RTEL1: variants seen among roughly 807,000 people sequenced by gnomAD.
The protein encoded by RTEL1 is regulator of telomere elongation helicase 1.
In RTEL1, 86 loss-of-function variants were observed where a neutral mutation model predicts 162.2. The observed-to-expected ratio is 0.53, with a 90% confidence interval of 0.45 to 0.63. RTEL1 has a LOEUF of 0.63. Among genes scored for constraint, RTEL1 ranks in the 30% least tolerant of loss-of-function variants. RTEL1 has a pLI of 0.00. For synonymous variants in RTEL1, 958 were observed against 717.9 expected (o/e 1.33, Z -5.35); for missense variants, 1,941 against 1,750.2 (o/e 1.11, Z -1.95).
intron 32 of RTEL1, 36 bp from the exon 33 acceptor site, chr20:63,695,030 G>T (rs769446756): frequency 1.9e-6 from 3 of 1,610,008 alleles, no homozygotes; most frequent in Admixed American, 1.7e-5. Context: ...GGGACAAAAT[G>T]GGGGCTGTGC....
intron 14 of RTEL1, chr20:63,681,177 C>T (rs1412969841): frequency 3.0e-6 from 3 of 985,292 alleles, no homozygotes; most frequent in Admixed American, 6.1e-5. Context: ...ATTGGGGGTG[C>T]GACCCTGGCC....
intron 30 of RTEL1, among the ~76,000 whole-genome samples, chr20:63,694,142 C>T (rs1389447142): frequency 6.6e-6 from 1 of 152,144 alleles, no homozygotes; most frequent in Non-Finnish European, 1.5e-5. Flanking sequence ...CAGCCTACGG[C>T]TCTGAGCTCC....
intron 14 of RTEL1, among the ~76,000 whole-genome samples, chr20:63,683,763 C>T (rs1398782453): frequency 1.3e-5 from 2 of 152,116 alleles, no homozygotes; most frequent in African/African-American, 2.4e-5. Flanking sequence ...GTTTTTGGCT[C>T]GTTTTCCAGG....
chr20:63,662,560 T>C lies in RTEL1; in HGVS notation c.410T>C (p.Val137Ala). 2 of 1,614,048 alleles carry C rather than the reference T, an allele frequency of 1.2e-6. No individual in the cohort carries two copies. The highest frequency in any genetic ancestry group is 8.5e-7 in the Non-Finnish European group (1 of 1,180,014). ...RNTSYRPKVC[V>A]LGSREQLCIH... is the part of the protein sequence containing the mutation. ...TCTCCCACCAGGCCTAAGGTGTGTG[T>C]GCTGGGCTCCCGGGAGCAGCTGTGC... Residue 137 changes from valine to alanine, a missense_variant, in exon 5 of 35, where the codon GTG (valine) becomes GCG (alanine). Val to Ala is a moderately conservative substitution (Grantham distance 64). Transcript: ENST00000360203.
chr20:63,676,417 G>A (rs1024508641), intron 10 of RTEL1, among the ~76,000 whole-genome samples: 1 of 152,194 alleles, frequency 6.6e-6, no homozygotes, highest in African/African-American at 2.4e-5. Flanking sequence ...CCGGGCTCCA[G>A]ATGGGACGTC....
intron 14 of RTEL1, among the ~76,000 whole-genome samples, chr20:63,684,632 C>T (rs183960035): frequency 2.0e-3 from 300 of 152,098 alleles, no homozygotes; most frequent in African/African-American, 6.9e-3. Flanking sequence ...CATGAGCCAC[C>T]GTGCCCAGCC....
intron 30 of RTEL1, among the ~76,000 whole-genome samples, chr20:63,693,567 ACCTCCACCT>A (rs2090862335): frequency 1.8e-4 from 10 of 55,886 alleles, no homozygotes; most frequent in East Asian, 6.9e-4. Flanking sequence ...CACCTCCACC[ACCTCCACCT>A]CCACCACCAC....
At chr20:63,667,384 C>T (rs1303157114) in intron 7 of RTEL1, 85 bp from the exon 8 acceptor site, 3 of 1,070,340 alleles carry the variant, frequency 2.8e-6, no homozygotes, top group Admixed American at 1.7e-5. Flanking sequence ...GATGAGGGCT[C>T]CTTCCGGGTC....
chr20:63,663,631 A>T (rs2090065218), intron 6 of RTEL1, among the ~76,000 whole-genome samples: 1 of 152,084 alleles, frequency 6.6e-6, no homozygotes, highest in African/African-American at 2.4e-5. Flanking sequence ...GGCTGCCCTT[A>T]CAGTTTCTGT....
At chr20:63,687,810 C>T in intron 17 of RTEL1, 40 bp downstream of exon 17, 2 of 1,552,372 alleles carry the variant, frequency 1.3e-6, no homozygotes. Flanking sequence ...ACCGGTGACA[C>T]CTCTGACATC....
rs1569089663 is a variant in RTEL1, at chr20:63,672,597, G to C, written c.741G>C (p.Val247=). The C allele has an allele frequency of 6.3e-7, 1 of 1,586,276 alleles. No individual in the cohort carries two copies. Residue 247 remains valine (V), a synonymous_variant, in exon 9 of 35, where the codon GTG becomes GTC. Transcript: ENST00000360203. The part of the protein sequence containing the change: ...AHNIDLKGTV[V]IFDEAHNVEK... ...ACATTGACCTGAAGGGGACAGTCGTGATCTTTGACGAAGCTCACAACGTGG... is the reference window on the plus strand; with the variant it reads ...ACATTGACCTGAAGGGGACAGTCGTCATCTTTGACGAAGCTCACAACGTGG...
intron 14 of RTEL1, 30 bp from the exon 15 acceptor site, chr20:63,685,493 T>C (rs761042081): frequency 6.2e-7 from 1 of 1,607,968 alleles, no homozygotes; most frequent in Non-Finnish European, 8.5e-7. Context: ...CTCAGGCTCC[T>C]GACGGGGCTG....
chr20:63,680,912 G>T, intron 14 of RTEL1, 193 bp downstream of exon 14: 1 of 985,214 alleles, frequency 1.0e-6, no homozygotes. Context: ...AGGGATGGGG[G>T]AGGACGAGGT....
rs959541511 is a variant in RTEL1 at position 63,687,484 on chromosome 20, T to C, written c.1349-154T>C. 1.1e-5 allele frequency: 10 copies of C among 870,514 alleles called. No individual in the cohort carries two copies. In the African/African-American group the frequency reaches 1.7e-4, roughly 15 times the overall value. The allele number at this position is 870,514 out of a possible 1,614,324, so 53.9% of individuals were successfully genotyped here. A position where few individuals can be genotyped will look rare whatever the true frequency, so the allele number is the denominator to read the frequency against. Reference sequence around the variant, plus strand: ...AGGCTCACACTCAGGGCAGCCTCCTTTGTTCTGACTTCTGCACAGTGGGCC... The same window carrying C: ...AGGCTCACACTCAGGGCAGCCTCCTCTGTTCTGACTTCTGCACAGTGGGCC... On this transcript the variant is annotated intron_variant, in intron 16 of 34. Transcript: ENST00000360203.
chr20:63,667,449 T>A lies in RTEL1; in HGVS notation c.615-20T>A, dbSNP rs1218867978. 2 of 1,602,554 alleles carry A rather than the reference T, an allele frequency of 1.2e-6. No homozygotes were observed. The highest frequency in any genetic ancestry group is 1.7e-6 in the Non-Finnish European group (2 of 1,169,674). On this transcript the variant is annotated intron_variant, in intron 7 of 34. Transcript: ENST00000360203. ...CCCTGCATGGGGTGCTCACAGGATCTTCTCCTCTCTCCTTCCCAGGGTGTG... is the reference window on the plus strand; with the variant it reads ...CCCTGCATGGGGTGCTCACAGGATCATCTCCTCTCTCCTTCCCAGGGTGTG...
In RTEL1 at chr20:63,696,092, G is replaced by C; in HGVS notation, c.*234G>C. On this transcript the variant is annotated 3_prime_UTR_variant, in exon 35 of 35. Transcript: ENST00000360203. Reference sequence around the variant, plus strand: ...GTCTGGGGTGGGTTTCTGGGAAAGTGCTTCCCCAGAACTTCCCTGGCTCCT... The same window carrying C: ...GTCTGGGGTGGGTTTCTGGGAAAGTCCTTCCCCAGAACTTCCCTGGCTCCT... 1.8e-6 allele frequency: 1 copy of C among 554,850 alleles called. No homozygotes were observed. Among genetic ancestry groups the C allele is most frequent in the East Asian group, 3.0e-5 (1 of 33,566 alleles). The allele number at this position is 554,850 out of a possible 1,614,324, so 34.4% of individuals were successfully genotyped here.
In RTEL1 at chr20:63,694,483, C is replaced by T. The variant is rs768455817; in HGVS notation, c.3104C>T (p.Pro1035Leu). 1.3e-6 allele frequency: 2 copies of T among 1,596,100 alleles called. No homozygotes were observed. Among genetic ancestry groups the T allele is most frequent in the South Asian group, 1.1e-5 (1 of 90,542 alleles). ...CCCCACCTGTCGCCCAGGCCACCCC[C>T]AACAGGTAGCTGACTCCTGAACCGT... is the stretch of plus-strand genomic sequence containing the variant. ...GRPHLSPRPP[P>L]TGDPGSQPQW... The change falls in exon 31 of 35, where the codon CCA (proline) becomes CTA (leucine). Residue 1035 changes from proline to leucine, a missense_variant. Coordinates refer to ENST00000360203, the MANE Select transcript of RTEL1 (RefSeq NM_001283009.2).
At position 63,668,115 on chromosome 20, in the gene RTEL1, C is replaced by T. The variant is rs1327302022; in HGVS notation, c.699+562C>T. Among the ~76,000 whole-genome samples, 3 of 151,618 alleles carry T rather than the reference C, an allele frequency of 2.0e-5. No individual in the cohort carries two copies. The highest frequency in any genetic ancestry group is 2.9e-5 in the Non-Finnish European group (2 of 67,868). ...CGTGTGCCCAGCCCCACGCTCACTCCCCCCGCCAGCATGTGCCCGGCCCCA... is the reference window on the plus strand; with the variant it reads ...CGTGTGCCCAGCCCCACGCTCACTCTCCCCGCCAGCATGTGCCCGGCCCCA... On this transcript the variant is annotated intron_variant, in intron 8 of 34. Coordinates refer to ENST00000360203, the MANE Select transcript of RTEL1 (RefSeq NM_001283009.2). This position sits in a 1 kb window ranked among gnomAD's most constrained non-coding sequence, Gnocchi z 4.3.
In RTEL1 at chr20:63,659,431, C is replaced by T. The variant is rs751168157; in HGVS notation, c.29C>T (p.Thr10Ile). 13 of 1,613,994 alleles carry T rather than the reference C, an allele frequency of 8.1e-6. No individual in the cohort carries two copies. The highest frequency in any genetic ancestry group is 1.1e-5 in the Non-Finnish European group (13 of 1,179,956). Residue 10 changes from threonine to isoleucine, a missense_variant, in exon 2 of 35, where the codon ACC (threonine) becomes ATC (isoleucine). Thr to Ile is a moderately conservative substitution (Grantham distance 89). Transcript: ENST00000360203. MPKIVLNGV[T>I]VDFPFQPYKC... ...CCCAAGATAGTCCTGAATGGTGTGA[C>T]CGTAGACTTCCCTTTCCAGCCCTAC... is the stretch of plus-strand genomic sequence containing the variant.
Sources: gnomAD v4.1 joint callset for allele counts (sites outside exome capture counted in the v4.1 genomes callset) on GRCh38, gnomAD v4.1.1 for gene constraint, Gnocchi (gnomAD v3.1) non-coding constraint, MANE v1.5 for transcripts, NCBI Gene and HGNC (gene_info 2026-07-23, HGNC 2026-07-21) for gene names.